The following TMEM67 variants were observed in gnomAD, a reference collection of about 807,000 sequenced individuals.
The protein encoded by TMEM67 is meckelin.
TMEM67 carries 124 observed loss-of-function variants against 136.6 expected under a neutral mutation model. The ratio of observed to expected loss-of-function variants is 0.91; its 90% CI spans 0.78 to 1.05. The LOEUF (loss-of-function observed/expected upper bound fraction) is 1.05. Ranked by LOEUF, TMEM67 falls within the 50% of genes least tolerant of loss-of-function variation. TMEM67 has a pLI of 0.00. For synonymous variants in TMEM67, 364 were observed against 390.5 expected (o/e 0.93, Z 0.80); for missense variants, 1,107 against 1,178.4 (o/e 0.94, Z 0.89).
At position 93,799,870 on chromosome 8, in the gene TMEM67, A is replaced by G. The variant is rs190025254; in HGVS notation, c.2241+112A>G. Reference sequence around the variant, plus strand: ...CCACATCCTTCTTTCTGTAGCAGAAAGAAGGTGACAAGAACAATAGCTAAT... The same window carrying G: ...CCACATCCTTCTTTCTGTAGCAGAAGGAAGGTGACAAGAACAATAGCTAAT... On this transcript the variant is annotated intron_variant, in intron 21 of 27. Transcript: ENST00000453321. The G allele has an allele frequency of 9.1e-4, 857 of 941,616 alleles. 7 individuals are homozygous for G. In the African/African-American group the frequency reaches 0.013, roughly 14 times the overall value. The allele number at this position is 941,616 out of a possible 1,614,324, so 58.3% of individuals were successfully genotyped here.
At chr8:93,820,525 G>T (rs765348884), downstream of TMEM67, among the ~76,000 whole-genome samples, 19 of 152,170 alleles carry the variant, frequency 1.2e-4, no homozygotes, top group Non-Finnish European at 2.2e-4. Flanking sequence ...GTAGTTGAGA[G>T]CACAGACCCT....
At chr8:93,828,681 G>T in the TMEM67 span, among the ~76,000 whole-genome samples, 4 of 150,910 alleles carry the variant, frequency 2.7e-5, no homozygotes, top group Non-Finnish European at 5.9e-5. Context: ...GGAGGCAGAG[G>T]TTGCAGTGAG....
At chr8:93,781,800 A>T in intron 10 of TMEM67, 56 bp downstream of exon 10, 1 of 1,027,846 alleles carries the variant, frequency 9.7e-7, no homozygotes, top group South Asian at 1.4e-5. Context: ...GCCTGAGACA[A>T]AGCCAAGAGG....
chr8:93,757,968 G>A (rs2130541691), intron 2 of TMEM67, among the ~76,000 whole-genome samples: 2 of 152,226 alleles, frequency 1.3e-5, no homozygotes, highest in African/African-American at 4.8e-5. Context: ...CATTGGCCAG[G>A]CTGGCCTCAA....
chr8:93,755,751 C>CTTTTTTTTTTTTTTTTTTTTTTTTTTG, intron 1 of TMEM67, 27 bp from the exon 2 acceptor site: 2 of 632,468 alleles, frequency 3.2e-6, no homozygotes, highest in Non-Finnish European at 4.8e-6. Flanking sequence ...ATAAAATTGG[C>CTTTTTTTTTTTTTTTTTTTTTTTTTTG]TTTTTTTTTT....
intron 11 of TMEM67, among the ~76,000 whole-genome samples, chr8:93,784,331 A>G (rs765234592): frequency 3.9e-5 from 6 of 152,234 alleles, no homozygotes; most frequent in South Asian, 2.1e-4. Context: ...AAATAACTAT[A>G]TGAGATACAT....
At chr8:93,772,551 T>C (rs1341008272) in intron 6 of TMEM67, 38 bp from the exon 7 acceptor site, 1 of 1,515,896 alleles carries the variant, frequency 6.6e-7, no homozygotes, top group Non-Finnish European at 9.2e-7. Flanking sequence ...ATTGGAGTCA[T>C]TTGAACTTAA....
chr8:93,767,710 G>C (rs1813135637), intron 6 of TMEM67, among the ~76,000 whole-genome samples: 1 of 142,222 alleles, frequency 7.0e-6, no homozygotes, highest in Non-Finnish European at 1.5e-5. Flanking sequence ...GTCCCTTCAA[G>C]TTGGCTTCTG....
Position 93,763,849 on chromosome 8 carries a change from A to G in TMEM67, c.414A>G (p.Arg138=). 1 of 1,611,432 alleles carries G rather than the reference A, an allele frequency of 6.2e-7. No individual in the cohort carries two copies. Among genetic ancestry groups the G allele is most frequent in the Non-Finnish European group, 8.5e-7 (1 of 1,177,630 alleles). The change falls in exon 4 of 28, where the codon AGA becomes AGG. Residue 138 remains arginine (R), a synonymous_variant. Transcript: ENST00000453321. The stretch of plus-strand genomic sequence containing the variant: ...TGTTTCTAAACTGTTCAGTGGAAAG[A>G]GACATTAATGGAACATTGTTGTCTC... ...HCPIGHILVE[R]DINGTLLSQA...
chr8:93,777,225 A>G (rs1813589298), intron 7 of TMEM67, among the ~76,000 whole-genome samples: 1 of 151,970 alleles, frequency 6.6e-6, no homozygotes, highest in Non-Finnish European at 1.5e-5. Context: ...TATTGCGTCT[A>G]TTTGATTCTT....
chr8:93,755,263 A>G (rs923077679), intron 1 of TMEM67, 126 bp downstream of exon 1: 2 of 939,146 alleles, frequency 2.1e-6, no homozygotes, highest in Non-Finnish European at 3.4e-6. Flanking sequence ...CAGGTGATCC[A>G]CCCGCCTCCG....
At chr8:93,757,814 G>A (rs1441075329) in intron 2 of TMEM67, among the ~76,000 whole-genome samples, 1 of 150,332 alleles carries the variant, frequency 6.7e-6, no homozygotes, top group African/African-American at 2.5e-5. Flanking sequence ...AGGCTGGAGT[G>A]CAGTGGCACG....
chr8:93,793,626 C>T (rs189228267), intron 16 of TMEM67, among the ~76,000 whole-genome samples: 1 of 152,222 alleles, frequency 6.6e-6, no homozygotes, highest in East Asian at 1.9e-4. Context: ...TTTCTCTGTA[C>T]TCTTCATATA....
chr8:93,755,751 C>CTTTTTTTTTTTTTTTTT, intron 1 of TMEM67, 27 bp from the exon 2 acceptor site: 2 of 632,468 alleles, frequency 3.2e-6, no homozygotes, highest in Non-Finnish European at 4.8e-6. Flanking sequence ...ATAAAATTGG[C>CTTTTTTTTTTTTTTTTT]TTTTTTTTTT....
chr8:93,791,160 T>C, intron 14 of TMEM67, 103 bp from the exon 15 acceptor site: 2 of 742,318 alleles, frequency 2.7e-6, no homozygotes, highest in South Asian at 1.6e-5. Context: ...TTAAAAACTA[T>C]AGTGTTTATG....
At chr8:93,804,310 CTTTTTT>C (rs1182297223) in intron 22 of TMEM67, among the ~76,000 whole-genome samples, 14 of 93,796 alleles carry the variant, frequency 1.5e-4, no homozygotes, top group Admixed American at 2.6e-4. Context: ...CTTTTCTTTT[CTTTTTT>C]TTTTTTTTTT....
At chr8:93,798,989 G>A (rs972940404) in intron 20 of TMEM67, among the ~76,000 whole-genome samples, 15 of 147,326 alleles carry the variant, frequency 1.0e-4, no homozygotes, top group Middle Eastern at 3.2e-3. Context: ...GTGTGTTTAA[G>A]AGTTTCCTCA....
chr8:93,795,452 A>G lies in TMEM67; in HGVS notation c.1718A>G (p.Asn573Ser), dbSNP rs770470756. ...FLVYYAGDLANVFFIITVGTG... is the reference protein window; with the variant it reads ...FLVYYAGDLASVFFIITVGTG... ...GTGTACTATGCTGGTGATCTGGCCA[A>G]TGTTTTCTTTATCATCACAGTGGGA... Residue 573 changes from asparagine (N) to serine (S), a missense_variant, in exon 17 of 28, where the codon AAT becomes AGT. Coordinates refer to ENST00000453321, the MANE Select transcript of TMEM67 (RefSeq NM_153704.6). 11 of 1,613,952 alleles carry G rather than the reference A, an allele frequency of 6.8e-6. No homozygotes were observed. In the South Asian group the frequency reaches 9.9e-5, roughly 14 times the overall value.
chr8:93,800,041 G>A lies in TMEM67; in HGVS notation c.2241+283G>A, dbSNP rs773982760. Among the ~76,000 whole-genome samples, 96 of 151,476 alleles carry A rather than the reference G, an allele frequency of 6.3e-4. 1 individual carries two copies. Among genetic ancestry groups the A allele is most frequent in the Non-Finnish European group, 9.9e-4 (67 of 67,902 alleles). Reference sequence around the variant, plus strand: ...TCCCACCTCAACCTCCTGAGTAGCTGGGTCTGTAGGCTCCCACCACTACAT... The same window carrying A: ...TCCCACCTCAACCTCCTGAGTAGCTAGGTCTGTAGGCTCCCACCACTACAT... On this transcript the variant is annotated intron_variant, in intron 21 of 27. Coordinates refer to ENST00000453321, the MANE Select transcript of TMEM67 (RefSeq NM_153704.6).
Sources: allele counts gnomAD v4.1 joint callset (sites outside exome capture counted in the v4.1 genomes callset), GRCh38; gene constraint gnomAD v4.1.1; transcripts MANE v1.5; gene names NCBI Gene and HGNC (gene_info 2026-07-23, HGNC 2026-07-21).